OXNAD1: variants seen among roughly 807,000 people sequenced by gnomAD.
The protein encoded by OXNAD1 is oxidoreductase NAD binding domain containing 1, also known as oxidoreductase NAD-binding domain-containing protein 1.
Under a neutral mutation model 32.9 loss-of-function variants are expected in OXNAD1, and 34 were observed. The observed-to-expected ratio is 1.03, with a 90% CI of 0.79 to 1.38. The LOEUF (loss-of-function observed/expected upper bound fraction) is 1.38, where lower values mean the gene tolerates loss of function less well. Among genes scored for constraint, OXNAD1 ranks in the 40% most tolerant of loss-of-function variants. OXNAD1 has a pLI of 0.00. For synonymous variants in OXNAD1, 134 were observed against 135.2 expected, an observed-to-expected ratio of 0.99 and a Z score of 0.06; for missense variants, 407 against 379.4, an observed-to-expected ratio of 1.07 and a Z score of -0.60.
At chr3:16,295,588 G>A (rs1168269775) in intron 6 of OXNAD1, among the ~76,000 whole-genome samples, 1 of 152,148 alleles carries the variant, frequency 6.6e-6, no homozygotes, top group Non-Finnish European at 1.5e-5. Flanking sequence ...CTAGAACTCT[G>A]ATAACAAAGA....
intron 4 of OXNAD1, among the ~76,000 whole-genome samples, chr3:16,279,010 A>G (rs1039440765): frequency 6.6e-6 from 1 of 152,194 alleles, no homozygotes. Context: ...GGTCACTTCA[A>G]TTTGAGGTAG....
chr3:16,308,773 G>A (rs1265405348), downstream of OXNAD1, among the ~76,000 whole-genome samples: 1 of 152,158 alleles, frequency 6.6e-6, no homozygotes, highest in East Asian at 1.9e-4. This position sits in a 1 kb window ranked among gnomAD's most constrained non-coding sequence, Gnocchi z 4.4. Flanking sequence ...CATATGGTCT[G>A]TTCTGAATTC....
At chr3:16,293,525 G>A (rs1031963949) in intron 5 of OXNAD1, among the ~76,000 whole-genome samples, 1 of 152,202 alleles carries the variant, frequency 6.6e-6, no homozygotes, top group Non-Finnish European at 1.5e-5. Flanking sequence ...ACTTTGGCTA[G>A]AACCTCTAGG....
rs2071494458 is a variant in OXNAD1, at chr3:16,344,267, G to C, written c.*31-4909G>C. ...ATACTAAGAAGTAACAGATTGGAAG[G>C]GGTTTAAGAAGTCAGGGAAACCTAC... is the stretch of plus-strand genomic sequence containing the variant. On this transcript the variant is annotated intron_variant, in intron 9 of 9. Coordinates refer to the OXNAD1 transcript ENST00000606098. This position sits in a 1 kb window ranked among gnomAD's most constrained non-coding sequence, Gnocchi z 4.4. Among the ~76,000 whole-genome samples, 2 of 151,870 alleles carry C rather than the reference G, an allele frequency of 1.3e-5. No homozygotes were observed. Among genetic ancestry groups the C allele is most frequent in the South Asian group, 2.1e-4 (1 of 4,814 alleles).
rs770498108 is a variant in OXNAD1, at chr3:16,295,021, G to A, written c.432+24G>A. ...CGGTAAGCACACTGCCTGTTTAAACGCGATGATCTGGGTATCTCTGCCACC... is the reference window on the plus strand; with the variant it reads ...CGGTAAGCACACTGCCTGTTTAAACACGATGATCTGGGTATCTCTGCCACC... On this transcript the variant is annotated intron_variant, in intron 6 of 8. Coordinates refer to ENST00000285083, the MANE Select transcript of OXNAD1 (RefSeq NM_138381.5). 65 of 1,584,564 alleles carry A rather than the reference G, an allele frequency of 4.1e-5. No individual in the cohort carries two copies. In the East Asian group the frequency reaches 6.9e-4, roughly 17 times the overall value.
At chr3:16,323,432 T>A (rs1185696636) in intron 9 of OXNAD1, 8 of 1,612,612 alleles carry the variant, frequency 5.0e-6, no homozygotes, top group Non-Finnish European at 6.8e-6. Context: ...AGAAAGACAA[T>A]CTGCTTGGTG....
intron 4 of OXNAD1, chr3:16,272,007 AG>A (rs1275231119): frequency 4.0e-6 from 2 of 505,716 alleles, no homozygotes; most frequent in Non-Finnish European, 7.1e-6. Flanking sequence ...TATGATGTTT[AG>A]GGTTATGTTT....
downstream of OXNAD1, chr3:16,337,408 A>G (rs981624306): frequency 6.6e-6 from 1 of 152,166 alleles, no homozygotes; most frequent in Non-Finnish European, 1.5e-5. This position sits in a 1 kb window ranked among gnomAD's most constrained non-coding sequence, Gnocchi z 5.0. Context: ...AGAACCAAAT[A>G]CCAGGCAAAC....
rs1410570888 is a variant in OXNAD1 at position 16,290,432 on chromosome 3, T to C, written c.290+3984T>C. Reference sequence around the variant, plus strand: ...TCCAAAGGTAGCTTTCCAGAGTTACTAGAGAAGAGGGTTGGTTCCCTTTCA... The same window carrying C: ...TCCAAAGGTAGCTTTCCAGAGTTACCAGAGAAGAGGGTTGGTTCCCTTTCA... On this transcript the variant is annotated intron_variant, in intron 5 of 8. Transcript: ENST00000285083. This position sits in a 1 kb window ranked among gnomAD's most constrained non-coding sequence, Gnocchi z 4.2. Among the ~76,000 whole-genome samples, 2 of 152,226 alleles carry C rather than the reference T, an allele frequency of 1.3e-5. No homozygotes were observed. Among genetic ancestry groups the C allele is most frequent in the Non-Finnish European group, 2.9e-5 (2 of 68,040 alleles).
In OXNAD1 at chr3:16,316,447, T is replaced by G; in HGVS notation, c.*30+12855T>G. On this transcript the variant is annotated intron_variant, in intron 9 of 9. Coordinates refer to the OXNAD1 transcript ENST00000435829. The surrounding 1 kb of genome is among the most constrained non-coding windows in gnomAD (Gnocchi z 4.5). ...GATGTGGGATGAACAGCAGCCTTGGTTTGTAGCCCAGGGTGTCCATGGATT... is the reference window on the plus strand; with the variant it reads ...GATGTGGGATGAACAGCAGCCTTGGGTTGTAGCCCAGGGTGTCCATGGATT... 3.6e-6 allele frequency: 1 copy of G among 281,512 alleles called. No individual in the cohort carries two copies. The highest frequency in any genetic ancestry group is 6.8e-6 in the Non-Finnish European group (1 of 146,726). 17.4% of individuals were successfully genotyped at this position (281,512 alleles called of 1,614,324 possible).
intron 9 of OXNAD1, among the ~76,000 whole-genome samples, chr3:16,331,538 A>G (rs2070312082): frequency 6.6e-6 from 1 of 151,972 alleles, no homozygotes; most frequent in African/African-American, 2.4e-5. Flanking sequence ...TATTACCTCC[A>G]TTTTTTTCAT....
At position 16,322,760 on chromosome 3, in the gene OXNAD1, G is replaced by A. The variant is rs146859367; in HGVS notation, c.*31-14352G>A. Among the ~76,000 whole-genome samples, 23 of 152,286 alleles carry A rather than the reference G, an allele frequency of 1.5e-4. No homozygotes were observed. Among genetic ancestry groups the A allele is most frequent in the Admixed American group, 2.0e-4 (3 of 15,306 alleles). ...TCTCTGAGAAGGCCAGTCTCTGTGC[G>A]ACTGTTTCTAGGGTAGTTCAGAGTC... On this transcript the variant is annotated intron_variant, in intron 9 of 9. Coordinates refer to the OXNAD1 transcript ENST00000435829. This position sits in a 1 kb window ranked among gnomAD's most constrained non-coding sequence, Gnocchi z 6.2.
At chr3:16,343,205 G>A (rs192100603) in intron 9 of OXNAD1, among the ~76,000 whole-genome samples, 50 of 152,242 alleles carry the variant, frequency 3.3e-4, no homozygotes, top group African/African-American at 1.2e-3. Flanking sequence ...GAACCACTGC[G>A]CTAGTCCTTC....
At position 16,287,963 on chromosome 3, in the gene OXNAD1, T is replaced by C. The variant is rs944394204; in HGVS notation, c.290+1515T>C. Reference sequence around the variant, plus strand: ...GGAGGTCGGACTTGGCGGGTAAGGATCACTGGCTGGTAGTGTGTGACGCTT... The same window carrying C: ...GGAGGTCGGACTTGGCGGGTAAGGACCACTGGCTGGTAGTGTGTGACGCTT... On this transcript the variant is annotated intron_variant, in intron 5 of 8. Transcript: ENST00000285083. This position sits in a 1 kb window ranked among gnomAD's most constrained non-coding sequence, Gnocchi z 4.8. Among the ~76,000 whole-genome samples, 2 of 152,168 alleles carry C rather than the reference T, an allele frequency of 1.3e-5. No individual in the cohort carries two copies. The highest frequency in any genetic ancestry group is 4.8e-5 in the African/African-American group (2 of 41,444).
rs1322039471 is a variant in OXNAD1, at chr3:16,335,717, A to G, written c.*31-1395A>G. Among the ~76,000 whole-genome samples, 3 of 151,610 alleles carry G rather than the reference A, an allele frequency of 2.0e-5. No homozygotes were observed. The highest frequency in any genetic ancestry group is 4.4e-5 in the Non-Finnish European group (3 of 67,960). On this transcript the variant is annotated intron_variant, in intron 9 of 9. Coordinates refer to the OXNAD1 transcript ENST00000435829. The surrounding 1 kb of genome is among the most constrained non-coding windows in gnomAD (Gnocchi z 4.7). ...TAGCCTGATCTGAGCAGCAACACAC[A>G]TGGCACACGTTTACCTATGTAACAA...
chr3:16,326,952 T>A, intron 9 of OXNAD1: 1 of 1,103,084 alleles, frequency 9.1e-7, no homozygotes. Context: ...GACTATTCAG[T>A]CTGCCAATCC....
In OXNAD1 at chr3:16,303,633, AT is replaced by A. The variant is rs2067342309; in HGVS notation, c.*73del. On this transcript the variant is annotated 3_prime_UTR_variant, in exon 9 of 9. Transcript: ENST00000285083. This position sits in a 1 kb window ranked among gnomAD's most constrained non-coding sequence, Gnocchi z 4.8. ...GAGAGCTCCTGTCCTTTGTGGCATG[AT>A]TAATTTTTTTTATCTCTACTTGAGT... 6.7e-7 allele frequency: 1 copy of A among 1,489,608 alleles called. No homozygotes were observed. Among genetic ancestry groups the A allele is most frequent in the East Asian group, 2.4e-5 (1 of 41,020 alleles). 92.3% of individuals were successfully genotyped at this position (1,489,608 alleles called of 1,614,324 possible).
rs145309962 is a variant in OXNAD1 at position 16,317,051 on chromosome 3, G to A, written c.*30+13459G>A. The A allele has an allele frequency of 2.4e-5, 38 of 1,613,670 alleles. No homozygotes were observed. Among genetic ancestry groups the A allele is most frequent in the South Asian group, 1.2e-4 (11 of 91,068 alleles). On this transcript the variant is annotated intron_variant, in intron 9 of 9. Coordinates refer to the OXNAD1 transcript ENST00000435829. The surrounding 1 kb of genome is among the most constrained non-coding windows in gnomAD (Gnocchi z 4.3). ...TTGGACAGGGCCCTTCATCTCCTCG[G>A]AGACTCCACCCTCCTGCTGCTGTCC...
downstream of OXNAD1, among the ~76,000 whole-genome samples, chr3:16,350,864 A>AG (rs530314280): frequency 2.0e-4 from 31 of 152,336 alleles, 2 homozygotes; most frequent in East Asian, 6.0e-3. Context: ...GTGGCAATAG[A>AG]AGAAAAAAGC....
Sources: allele counts gnomAD v4.1 joint callset (sites outside exome capture counted in the v4.1 genomes callset), GRCh38; gene constraint gnomAD v4.1.1; non-coding constraint Gnocchi (gnomAD v3.1); transcripts MANE v1.5; gene names NCBI Gene and HGNC (gene_info 2026-07-23, HGNC 2026-07-21).